Variants in SNRNP200 observed in about 807,000 individuals in gnomAD.
SNRNP200 encodes small nuclear ribonucleoprotein U5 subunit 200.
A neutral mutation model predicts 255.2 loss-of-function variants in SNRNP200; 66 were observed. The ratio of observed to expected loss-of-function variants is 0.26; its 90% CI spans 0.21 to 0.32. The LOEUF (loss-of-function observed/expected upper bound fraction) is 0.32. SNRNP200 is among the 10% of genes least tolerant of loss of function. The pLI is 1.00. For synonymous variants in SNRNP200, 939 were observed against 1,027.8 expected, an observed-to-expected ratio of 0.91 and a Z score of 1.65; for missense variants, 1,585 against 2,749.8, an observed-to-expected ratio of 0.58 and a Z score of 9.47.
At position 96,277,793 on chromosome 2, in the gene SNRNP200, C is replaced by G. The variant is rs761921935; in HGVS notation, c.5754+14G>C. On this transcript the variant is annotated intron_variant, in intron 40 of 44. Coordinates refer to ENST00000323853, the MANE Select transcript of SNRNP200 (RefSeq NM_014014.5). The surrounding 1 kb of genome is among the most constrained non-coding windows in gnomAD (Gnocchi z 4.4). ...GAGCACCACTGACCCCTCTGCCCCA[C>G]ACCCACACTCTACCTTACTAAGGAT... The G allele has an allele frequency of 6.2e-6, 10 of 1,614,234 alleles. No individual in the cohort carries two copies. Among genetic ancestry groups the G allele is most frequent in the Non-Finnish European group, 8.5e-6 (10 of 1,180,046 alleles).
At position 96,278,496 on chromosome 2, in the gene SNRNP200, C is replaced by G. The variant is rs761200383; in HGVS notation, c.5488+51G>C. 1.2e-6 allele frequency: 2 copies of G among 1,611,948 alleles called. No individual in the cohort carries two copies. The highest frequency in any genetic ancestry group is 4.5e-5 in the East Asian group (2 of 44,878). ...ACCTCTCATCCCAGTGGGCTCCTGACCCGTGTAAAAAGGCTCCCACAGACA... is the reference window on the plus strand; with the variant it reads ...ACCTCTCATCCCAGTGGGCTCCTGAGCCGTGTAAAAAGGCTCCCACAGACA... On this transcript the variant is annotated intron_variant, in intron 38 of 44. Coordinates refer to ENST00000323853, the MANE Select transcript of SNRNP200 (RefSeq NM_014014.5). The surrounding 1 kb of genome is among the most constrained non-coding windows in gnomAD (Gnocchi z 6.9).
intron 24 of SNRNP200, among the ~76,000 whole-genome samples, chr2:96,288,334 G>A (rs1347965208): frequency 6.6e-6 from 1 of 152,142 alleles, no homozygotes; most frequent in Non-Finnish European, 1.5e-5. Flanking sequence ...TGCCATTTTT[G>A]GATTTATTTA....
At chr2:96,284,787 T>C in intron 30 of SNRNP200, 1 of 586,180 alleles carries the variant, frequency 1.7e-6, no homozygotes, top group Admixed American at 2.9e-5. Context: ...CTCGCTCTTG[T>C]TGCCCAGGCT....
In SNRNP200 at chr2:96,290,237, T is replaced by C. The variant is rs1456557411; in HGVS notation, c.2742+89A>G. The stretch of plus-strand genomic sequence containing the variant: ...AGGGATGGAAGGCCTCGGACGCTGC[T>C]GGCCCGCAGCACAATAGGGACCGAC... On this transcript the variant is annotated intron_variant, in intron 20 of 44. Coordinates refer to ENST00000323853, the MANE Select transcript of SNRNP200 (RefSeq NM_014014.5). The surrounding 1 kb of genome is among the most constrained non-coding windows in gnomAD (Gnocchi z 4.5). 1.4e-6 allele frequency: 2 copies of C among 1,412,864 alleles called. No homozygotes were observed. Among genetic ancestry groups the C allele is most frequent in the African/African-American group, 2.8e-5 (2 of 70,878 alleles). The allele number at this position is 1,412,864 out of a possible 1,614,324, so 87.5% of individuals were successfully genotyped here. A position where few individuals can be genotyped will look rare whatever the true frequency, so the allele number is the denominator to read the frequency against.
Position 96,289,953 on chromosome 2 carries a change from A to G in SNRNP200, c.2786T>C (p.Met929Thr). The part of the protein sequence containing the change: ...WLGYAYLYIR[M>T]LRSPTLYGIS... ...GCCATAGAGGGTTGGGGATCGCAGC[A>G]TTCGGATATAGAGGTAGGCATAGCC... The change falls in exon 21 of 45, where the codon ATG becomes ACG. Residue 929 changes from methionine to threonine, a missense_variant. Around this residue, in one of 9 missense-constraint regions of SNRNP200, gnomAD observed 719 missense variants for 1,091.1 expected, o/e 0.66. Transcript: ENST00000323853. The G allele has an allele frequency of 6.2e-7, 1 of 1,614,172 alleles. No individual in the cohort carries two copies. Among genetic ancestry groups the G allele is most frequent in the Non-Finnish European group, 8.5e-7 (1 of 1,180,032 alleles).
Position 96,304,819 on chromosome 2 carries a change from C to T in SNRNP200, c.95G>A (p.Arg32His), listed in dbSNP as rs371058559. 1 of 1,614,168 alleles carries T rather than the reference C, an allele frequency of 6.2e-7. No individual in the cohort carries two copies. The highest frequency in any genetic ancestry group is 8.5e-7 in the Non-Finnish European group (1 of 1,180,036). The change falls in exon 2 of 45, where the codon CGC (arginine) becomes CAC (histidine). Residue 32 changes from arginine (R) to histidine (H), a missense_variant. Arg to His is a conservative substitution (Grantham distance 29, BLOSUM62 0). Transcript: ENST00000323853. ...CACCTCTCCTGTGGGTTCATCCCGG[C>T]GGGTCCGGTCAATGAGAGAACGGTC... The part of the protein sequence containing the change: ...QADRSLIDRT[R>H]RDEPTGEVLS...
At chr2:96,305,254 C>T in intron 1 of SNRNP200, 139 bp downstream of exon 1, 1 of 1,144,240 alleles carries the variant, frequency 8.7e-7, no homozygotes, top group Admixed American at 1.7e-5. Flanking sequence ...CATCGTATAA[C>T]CCCCACCTTC....
rs538094539 is a variant in SNRNP200 at position 96,284,156 on chromosome 2, G to A, written c.4393-152C>T. 1.0e-5 allele frequency: 9 copies of A among 881,712 alleles called. No individual in the cohort carries two copies. In the East Asian group the frequency reaches 1.1e-4, roughly 10 times the overall value. The allele number at this position is 881,712 out of a possible 1,614,324, so 54.6% of individuals were successfully genotyped here. On this transcript the variant is annotated intron_variant, in intron 31 of 44. Coordinates refer to ENST00000323853, the MANE Select transcript of SNRNP200 (RefSeq NM_014014.5). Reference sequence around the variant, plus strand: ...ATGTGTTTGGTTCTACCTCCTCCACGGCAGCCAACCTCCACTAAACAATAC... The same window carrying A: ...ATGTGTTTGGTTCTACCTCCTCCACAGCAGCCAACCTCCACTAAACAATAC...
chr2:96,289,934 G>A lies in SNRNP200; in HGVS notation c.2805C>T (p.Leu935=), dbSNP rs749613029. The stretch of plus-strand genomic sequence containing the variant: ...TGAGGTCATCATGAGAGATGCCATA[G>A]AGGGTTGGGGATCGCAGCATTCGGA... The part of the protein sequence containing the change: ...LYIRMLRSPT[L]YGISHDDLKG... The change falls in exon 21 of 45, where the codon CTC becomes CTT. Residue 935 remains leucine, a synonymous_variant. Transcript: ENST00000323853. 1.9e-6 allele frequency: 3 copies of A among 1,614,172 alleles called. No individual in the cohort carries two copies. Among genetic ancestry groups the A allele is most frequent in the Middle Eastern group, 1.7e-4 (1 of 6,060 alleles).
chr2:96,301,143 C>T, intron 4 of SNRNP200, 90 bp from the exon 5 acceptor site: 1 of 1,083,182 alleles, frequency 9.2e-7, no homozygotes, highest in South Asian at 1.3e-5. Context: ...ACTACCTCTC[C>T]TCAGGAAAGA....
chr2:96,294,197 G>A (rs1222684116), intron 14 of SNRNP200, among the ~76,000 whole-genome samples: 1 of 151,556 alleles, frequency 6.6e-6, no homozygotes, highest in African/African-American at 2.4e-5. Flanking sequence ...ACTTTGGGAG[G>A]CTGAGGTAGG....
intron 6 of SNRNP200, 135 bp from the exon 7 acceptor site, chr2:96,299,102 T>C (rs770433715): frequency 2.4e-4 from 290 of 1,188,400 alleles, no homozygotes; most frequent in Non-Finnish European, 3.3e-4. Flanking sequence ...GAAAAAACTC[T>C]GGAATATTGA....
rs925487616 is a variant in SNRNP200 at position 96,287,867 on chromosome 2, G to A, written c.3361C>T (p.Arg1121Cys). Reference sequence around the variant, plus strand: ...TCCAGCTCACTGGGTCCTTACATGCGTTTGTCGATCATCTTGCAGAGGTTC... The same window carrying A: ...TCCAGCTCACTGGGTCCTTACATGCATTTGTCGATCATCTTGCAGAGGTTC... ...TLNLCKMIDK[R>C]MWQSMCPLRQ... Residue 1121 changes from arginine (R) to cysteine (C), a missense_variant, in exon 25 of 45, where the codon CGC becomes TGC. Transcript: ENST00000323853. The surrounding 1 kb of genome is among the most constrained non-coding windows in gnomAD (Gnocchi z 5.7). 3.7e-6 allele frequency: 6 copies of A among 1,613,894 alleles called. No homozygotes were observed. The highest frequency in any genetic ancestry group is 1.1e-5 in the South Asian group (1 of 91,090).
chr2:96,284,311 C>T, intron 31 of SNRNP200, 47 bp downstream of exon 31: 1 of 1,542,264 alleles, frequency 6.5e-7, no homozygotes, highest in Middle Eastern at 1.9e-4. Flanking sequence ...GCCAAGGCCA[C>T]TTGGTCAGTC....
At chr2:96,288,591 G>A (rs908900809) in intron 24 of SNRNP200, 72 bp downstream of exon 24, 1 of 1,357,754 alleles carries the variant, frequency 7.4e-7, no homozygotes, top group African/African-American at 1.4e-5. Context: ...CCTTTCCCCA[G>A]GATGCACACA....
In SNRNP200 at chr2:96,287,345, T is replaced by C. The variant is rs1573993962; in HGVS notation, c.3484+94A>G. On this transcript the variant is annotated intron_variant, in intron 26 of 44. Coordinates refer to ENST00000323853, the MANE Select transcript of SNRNP200 (RefSeq NM_014014.5). This position sits in a 1 kb window ranked among gnomAD's most constrained non-coding sequence, Gnocchi z 5.7. ...TGGGACTTGGGGAGTGAACACAGGA[T>C]ACTAATGCACAGGCCTAGGAACAGG... The C allele has an allele frequency of 2.1e-5, 25 of 1,174,098 alleles. No homozygotes were observed. In the East Asian group the frequency reaches 5.8e-4, roughly 27 times the overall value. 72.7% of individuals were successfully genotyped at this position (1,174,098 alleles called of 1,614,324 possible). A position where few individuals can be genotyped will look rare whatever the true frequency, so the allele number is the denominator to read the frequency against.
chr2:96,291,967 A>G lies in SNRNP200; in HGVS notation c.2161-67T>C. On this transcript the variant is annotated intron_variant, in intron 16 of 44. Coordinates refer to ENST00000323853, the MANE Select transcript of SNRNP200 (RefSeq NM_014014.5). The surrounding 1 kb of genome is among the most constrained non-coding windows in gnomAD (Gnocchi z 4.2). ...CAGCCCCAGGGCACCTGCAGCAGGA[A>G]GCAGAAGTTGCACCATCACCACCAG... The G allele has an allele frequency of 3.2e-6, 5 of 1,573,606 alleles. No homozygotes were observed. In the East Asian group the frequency reaches 1.1e-4, roughly 35 times the overall value.
Position 96,281,820 on chromosome 2 carries a change from A to C in SNRNP200, c.5018T>G (p.Ile1673Ser). The C allele has an allele frequency of 6.2e-7, 1 of 1,612,306 alleles. No homozygotes were observed. Among genetic ancestry groups the C allele is most frequent in the Non-Finnish European group, 8.5e-7 (1 of 1,178,336 alleles). The stretch of plus-strand genomic sequence containing the variant: ...GAGCACCAGTTGTACTCACGCGTGG[A>C]TCTTGCCATTGTAGTACTGGGTATC... ...IMDTQYYNGK[I>S]HAYVDYPIYD... Residue 1673 changes from isoleucine (I) to serine (S), a missense_variant, in exon 35 of 45, where the codon ATC (isoleucine) becomes AGC (serine). Physicochemically the swap from Ile to Ser is moderately radical, Grantham distance 142 (BLOSUM62 -2). This residue lies in a region of SNRNP200 where 719 missense variants were observed against 1,091.1 expected (regional missense o/e 0.66). Coordinates refer to ENST00000323853, the MANE Select transcript of SNRNP200 (RefSeq NM_014014.5).
Position 96,283,401 on chromosome 2 carries a change from A to G in SNRNP200, c.4764-49T>C. 6.2e-7 allele frequency: 1 copy of G among 1,613,946 alleles called. No individual in the cohort carries two copies. Among genetic ancestry groups the G allele is most frequent in the Non-Finnish European group, 8.5e-7 (1 of 1,179,976 alleles). ...AGCTCAGAGTAGTTCAATTCCTGGC[A>G]GACACTTTGCCAGCTGTGCAGAACC... is the stretch of plus-strand genomic sequence containing the variant. On this transcript the variant is annotated intron_variant, in intron 33 of 44. Transcript: ENST00000323853. The surrounding 1 kb of genome is among the most constrained non-coding windows in gnomAD (Gnocchi z 4.7).
Sources: allele counts gnomAD v4.1 joint callset (sites outside exome capture counted in the v4.1 genomes callset), GRCh38; gene constraint gnomAD v4.1.1; regional missense constraint gnomAD v4.1.1; non-coding constraint Gnocchi (gnomAD v3.1); transcripts MANE v1.5; gene names NCBI Gene and HGNC (gene_info 2026-07-23, HGNC 2026-07-21).